Variants in SPINT2 observed in about 807,000 individuals in gnomAD.
The protein encoded by SPINT2 is kunitz-type protease inhibitor 2.
A neutral mutation model predicts 30.1 loss-of-function variants in SPINT2; 18 were observed. The ratio of observed to expected loss-of-function variants is 0.60; its 90% CI spans 0.41 to 0.89. The LOEUF is 0.89. SPINT2 is among the 40% of genes least tolerant of loss of function. SPINT2 has a pLI of 0.00. For missense variants in SPINT2, 276 were observed against 334.3 expected, an observed-to-expected ratio of 0.83 and a Z score of 1.36; for synonymous variants, 139 against 137.9, an observed-to-expected ratio of 1.01 and a Z score of -0.05.
chr19:38,267,587 G>A (rs939467267), intron 1 of SPINT2, among the ~76,000 whole-genome samples: 3 of 152,048 alleles, frequency 2.0e-5, no homozygotes, highest in Admixed American at 2.0e-4. Context: ...AGATGCATGA[G>A]AGGGAGGTTC....
Position 38,290,479 on chromosome 19 carries a change from C to A in SPINT2, c.554-58C>A, listed in dbSNP as rs1204281721. ...AGGCCCTGGCTGAGGGGATCCCCTG[C>A]GGCAGCTCTGTGGAATGGGGGCTGT... On this transcript the variant is annotated intron_variant, in intron 5 of 6. Transcript: ENST00000301244. The surrounding 1 kb of genome is among the most constrained non-coding windows in gnomAD (Gnocchi z 4.3). 5.0e-6 allele frequency: 8 copies of A among 1,613,076 alleles called. No individual in the cohort carries two copies. In the African/African-American group the frequency reaches 5.3e-5, roughly 11 times the overall value.
Position 38,289,207 on chromosome 19 carries a change from G to A in SPINT2, c.391+16G>A, listed in dbSNP as rs759033239. The A allele has an allele frequency of 4.3e-6, 7 of 1,613,118 alleles. No homozygotes were observed. The highest frequency in any genetic ancestry group is 5.9e-6 in the Non-Finnish European group (7 of 1,179,428). ...AACTATGAAGGTAAAACTCCAAAGA[G>A]GCCAGGTGCGGTGGCTCACACCTGT... On this transcript the variant is annotated intron_variant, in intron 4 of 6. Transcript: ENST00000301244.
chr19:38,273,996 C>T (rs1251351201), intron 1 of SPINT2, among the ~76,000 whole-genome samples: 3 of 152,024 alleles, frequency 2.0e-5, no homozygotes, highest in Non-Finnish European at 2.9e-5. Context: ...TTCAGGAGGC[C>T]GAGGCGGGTG....
At chr19:38,265,662 A>G (rs376814424) in intron 1 of SPINT2, 3 of 152,278 alleles carry the variant, frequency 2.0e-5, no homozygotes, top group African/African-American at 4.8e-5. Context: ...TTAAACTTCT[A>G]CACTCTTAAG....
chr19:38,287,809 C>T, intron 2 of SPINT2, 67 bp from the exon 3 acceptor site: 1 of 1,552,940 alleles, frequency 6.4e-7, no homozygotes, highest in Non-Finnish European at 8.9e-7. Context: ...ACAGGGCCAG[C>T]TCATTCTTTG....
At chr19:38,273,920 A>T (rs1968485647) in intron 1 of SPINT2, among the ~76,000 whole-genome samples, 1 of 152,128 alleles carries the variant, frequency 6.6e-6, no homozygotes, top group South Asian at 2.1e-4. Flanking sequence ...AAGATACAAT[A>T]TCTACTATTT....
intron 3 of SPINT2, 127 bp downstream of exon 3, chr19:38,288,062 C>G: frequency 2.6e-6 from 3 of 1,134,772 alleles, no homozygotes; most frequent in South Asian, 1.3e-5. Context: ...ATTGGCAAAC[C>G]GGGGGCTCTG....
chr19:38,290,930 A>G lies in SPINT2; in HGVS notation c.592+355A>G. The stretch of plus-strand genomic sequence containing the variant: ...ATAAGAGTTGGTCACGGGTGACAGG[A>G]CGGAGGACCACGGGCCAGGGTGTTT... On this transcript the variant is annotated intron_variant, in intron 6 of 6. Coordinates refer to ENST00000301244, the MANE Select transcript of SPINT2 (RefSeq NM_021102.4). The surrounding 1 kb of genome is among the most constrained non-coding windows in gnomAD (Gnocchi z 4.3). The G allele has an allele frequency of 2.5e-6, 1 of 398,838 alleles. No individual in the cohort carries two copies. Among genetic ancestry groups the G allele is most frequent in the South Asian group, 2.2e-5 (1 of 45,846 alleles). 24.7% of individuals were successfully genotyped at this position (398,838 alleles called of 1,614,324 possible). A position where few individuals can be genotyped will look rare whatever the true frequency, so the allele number is the denominator to read the frequency against.
rs1406312066 is a variant in SPINT2 at position 38,268,284 on chromosome 19, G to A, written c.106+3286G>A. ...CAACCTCTGCAGACAGAGGTGGGGG[G>A]AAAGCTGAGCTTATGCCAGGTGAGA... is the stretch of plus-strand genomic sequence containing the variant. On this transcript the variant is annotated intron_variant, in intron 1 of 6. Transcript: ENST00000301244. Among the ~76,000 whole-genome samples the A allele has an allele frequency of 2.6e-5, 4 of 152,226 alleles. No individual in the cohort carries two copies. The East Asian group carries it at 5.8e-4, about 22-fold the overall frequency.
chr19:38,287,084 T>G (rs1436802183), intron 2 of SPINT2, among the ~76,000 whole-genome samples: 1 of 152,154 alleles, frequency 6.6e-6, no homozygotes, highest in Non-Finnish European at 1.5e-5. Context: ...TGGTCAATGG[T>G]GTGATCTCGG....
At chr19:38,276,396 A>G (rs1191107148) in intron 1 of SPINT2, among the ~76,000 whole-genome samples, 2 of 152,122 alleles carry the variant, frequency 1.3e-5, no homozygotes, top group African/African-American at 4.8e-5. Context: ...TAATCCCAGC[A>G]CTTCGGGAGG....
At chr19:38,283,082 C>CA (rs980672759) in intron 1 of SPINT2, among the ~76,000 whole-genome samples, 11 of 151,772 alleles carry the variant, frequency 7.2e-5, no homozygotes, top group Admixed American at 2.6e-4. Context: ...GAGGCCGAGG[C>CA]AGGCGGATTG....
chr19:38,269,500 G>T (rs923988143), intron 1 of SPINT2, among the ~76,000 whole-genome samples: 1 of 150,510 alleles, frequency 6.6e-6, no homozygotes, highest in African/African-American at 2.4e-5. Context: ...CTGCCTCCTG[G>T]GTTCAAGTGA....
chr19:38,283,162 A>G lies in SPINT2; in HGVS notation c.107-465A>G, dbSNP rs1968600293. Among the ~76,000 whole-genome samples the G allele has an allele frequency of 2.0e-5, 3 of 152,080 alleles. No homozygotes were observed. The South Asian group carries it at 6.2e-4, about 31-fold the overall frequency. On this transcript the variant is annotated intron_variant, in intron 1 of 6. Coordinates refer to ENST00000301244, the MANE Select transcript of SPINT2 (RefSeq NM_021102.4). The stretch of plus-strand genomic sequence containing the variant: ...CTCCATCTGTACTAAAAGTTCAGAA[A>G]AAAAAAGCCCAGCATGGTGGCGCAC...
chr19:38,288,578 A>C (rs1427764334), intron 3 of SPINT2: 1 of 197,088 alleles, frequency 5.1e-6, no homozygotes, highest in African/African-American at 2.3e-5. Context: ...GCTGCTGTGG[A>C]GGGGGTACTG....
chr19:38,290,749 T>C lies in SPINT2; in HGVS notation c.592+174T>C. On this transcript the variant is annotated intron_variant, in intron 6 of 6. Transcript: ENST00000301244. The surrounding 1 kb of genome is among the most constrained non-coding windows in gnomAD (Gnocchi z 4.3). ...TGGTGGTTTGTCCCACCGTTCAGTG[T>C]ACACAGTTGGGGCTGGAGTGAGTCA... 1 of 935,164 alleles carries C rather than the reference T, an allele frequency of 1.1e-6. No homozygotes were observed. Among genetic ancestry groups the C allele is most frequent in the Non-Finnish European group, 1.6e-6 (1 of 608,336 alleles). 57.9% of individuals were successfully genotyped at this position (935,164 alleles called of 1,614,324 possible).
chr19:38,287,838 A>T, intron 2 of SPINT2, 38 bp from the exon 3 acceptor site: 1 of 1,613,062 alleles, frequency 6.2e-7, no homozygotes, highest in Non-Finnish European at 8.5e-7. Flanking sequence ...AGTCTCTCGA[A>T]AGCTCTTTCA....
intron 1 of SPINT2, chr19:38,265,574 C>G (rs1426629510): frequency 3.3e-5 from 5 of 152,592 alleles, no homozygotes; most frequent in Admixed American, 3.3e-4. Context: ...TGCTAAGGCT[C>G]GAGAGAGTAT....
intron 1 of SPINT2, among the ~76,000 whole-genome samples, chr19:38,282,475 C>T (rs1357719775): frequency 6.6e-6 from 1 of 152,172 alleles, no homozygotes; most frequent in African/African-American, 2.4e-5. Context: ...GTTTTCTTTT[C>T]AGGTCGCCTT....
Sources: gnomAD v4.1 joint callset for allele counts (sites outside exome capture counted in the v4.1 genomes callset) on GRCh38, gnomAD v4.1.1 for gene constraint, Gnocchi (gnomAD v3.1) non-coding constraint, MANE v1.5 for transcripts, NCBI Gene and HGNC (gene_info 2026-07-23, HGNC 2026-07-21) for gene names.